The following RPGR variants were observed in gnomAD, a reference collection of about 807,000 sequenced individuals.
The protein encoded by RPGR is retinitis pigmentosa GTPase regulator, also known as X-linked retinitis pigmentosa GTPase regulator.
In RPGR, 10 loss-of-function variants were observed where a neutral mutation model predicts 56.3. The observed-to-expected ratio is 0.18, with a 90% CI of 0.11 to 0.30. RPGR has a LOEUF of 0.30. Among genes scored for constraint, RPGR ranks in the 10% least tolerant of loss-of-function variants. The pLI, the probability that RPGR is intolerant of heterozygous loss-of-function variation, is 1.00. For missense variants in RPGR, 538 were observed against 590.9 expected, an observed-to-expected ratio of 0.91 and a Z score of 0.93; for synonymous variants, 197 against 212.9, an observed-to-expected ratio of 0.93 and a Z score of 0.65.
chrX:38,318,879 T>C lies in RPGR; in HGVS notation c.419A>G (p.His140Arg), dbSNP rs2067876442. The change falls in exon 5 of 19, where the codon CAT becomes CGT. Residue 140 changes from histidine to arginine, a missense_variant. This residue lies in a region of RPGR where 181 missense variants were observed against 265.1 expected (regional missense o/e 0.68). Coordinates refer to ENST00000642395, the MANE Select transcript of RPGR (RefSeq NM_000328.3). Reference sequence around the variant, plus strand: ...TCCAGCAGACAGCTGCTTAATCTTATGCTCGGATGTAAAAAAGCTAATTAC... The same window carrying C: ...TCCAGCAGACAGCTGCTTAATCTTACGCTCGGATGTAAAAAAGCTAATTAC... 1 of 1,211,767 alleles carries C rather than the reference T, an allele frequency of 8.3e-7. No homozygotes were observed. The highest frequency in any genetic ancestry group is 1.1e-6 in the Non-Finnish European group (1 of 895,405).
Position 38,316,310 on chromosome X carries a change from C to A in RPGR, c.619+1006G>T, listed in dbSNP as rs78988913. 3.0e-3 allele frequency among the ~76,000 whole-genome samples: 333 copies of A among 110,760 alleles called. 3 individuals carry two copies. In the East Asian group the frequency reaches 0.034, roughly 11 times the overall value. ...TTTTAATTAAAAAAAGGCATAAAAA[C>A]AAACCAAAAAAAAGCTCAATGTAAT... On this transcript the variant is annotated intron_variant, in intron 6 of 18. Coordinates refer to ENST00000642395, the MANE Select transcript of RPGR (RefSeq NM_000328.3).
rs1170520148 is a variant in RPGR, at chrX:38,297,413, G to A, written c.1285C>T (p.Pro429Ser). ...AGGCCAAGAGTCCCTTCTATTGGAG[G>A]TAGTGTTCTCCTCATTGAAAAAGAA... Residue 429 changes from proline to serine, a missense_variant, in exon 11 of 19, where the codon CCT becomes TCT. By Grantham distance (74) the Pro-to-Ser change is moderately conservative. Coordinates refer to ENST00000642395, the MANE Select transcript of RPGR (RefSeq NM_000328.3). The A allele has an allele frequency of 1.7e-6, 2 of 1,209,099 alleles. No homozygotes were observed. The highest frequency in any genetic ancestry group is 2.2e-6 in the Non-Finnish European group (2 of 893,903).
At chrX:38,312,044 G>GT (rs2067728513) in intron 6 of RPGR, among the ~76,000 whole-genome samples, 1 of 112,227 alleles carries the variant, frequency 8.9e-6, no homozygotes, top group Non-Finnish European at 1.9e-5. Flanking sequence ...ATTGAAGACT[G>GT]TGAGTCCTTC....
rs2067102953 is a variant in RPGR at position 38,285,065 on chromosome X, AT to A, written c.1905+2028del. 8.3e-6 allele frequency: 6 copies of A among 724,386 alleles called. 1 individual carries two copies. In the South Asian group the frequency reaches 4.2e-4, roughly 51 times the overall value. 59.7% of individuals were successfully genotyped at this position (724,386 alleles called of 1,213,427 possible). On this transcript the variant is annotated intron_variant, in intron 15 of 18. Coordinates refer to ENST00000642395, the MANE Select transcript of RPGR (RefSeq NM_000328.3). Reference sequence around the variant, plus strand: ...TCAATTGAGTTTTAGAATACCATCCATTATTAGAAAATTATTCTATACAGTA... The same window carrying A: ...TCAATTGAGTTTTAGAATACCATCCATATTAGAAAATTATTCTATACAGTA...
At chrX:38,294,143 T>A (rs759127015) in intron 11 of RPGR, among the ~76,000 whole-genome samples, 1 of 111,658 alleles carries the variant, frequency 9.0e-6, no homozygotes, top group Non-Finnish European at 1.9e-5. Flanking sequence ...ACCAAATCCA[T>A]TGGATACTTC....
chrX:38,287,478 C>T (rs781227738), intron 14 of RPGR: 41 of 537,522 alleles, frequency 7.6e-5, no homozygotes, highest in Non-Finnish European at 1.3e-4. Flanking sequence ...AACTGTCTGG[C>T]TTTTCTACTG....
intron 5 of RPGR, among the ~76,000 whole-genome samples, chrX:38,318,570 G>A (rs1213760394): frequency 1.8e-5 from 2 of 111,232 alleles, no homozygotes; most frequent in African/African-American, 3.3e-5. Flanking sequence ...GTAGACAGAC[G>A]GCATAGCTTA....
chrX:38,322,145 A>G (rs1411539101), intron 3 of RPGR, among the ~76,000 whole-genome samples: 5 of 112,059 alleles, frequency 4.5e-5, no homozygotes, highest in African/African-American at 1.6e-4. Context: ...GCTACACTGA[A>G]ATTTTGAGCT....
intron 15 of RPGR, chrX:38,285,428 A>T: frequency 1.8e-6 from 2 of 1,142,367 alleles, no homozygotes; most frequent in Admixed American, 2.9e-5. Flanking sequence ...TTTTTTTACT[A>T]CACATAAAAT....
chrX:38,320,944 A>C, intron 4 of RPGR, 83 bp downstream of exon 4: 1 of 736,105 alleles, frequency 1.4e-6, no homozygotes, highest in Non-Finnish European at 2.1e-6. Context: ...TATAATCTCT[A>C]TTAATTTTAC....
rs772049733 is a variant in RPGR at position 38,321,096 on chromosome X, A to G, written c.248-7T>C. ...ACTTTTTCAGGTTTTAGAGCTAAAA[A>G]TATTTAAAATGGGACAATTATTTTA... On this transcript the variant is annotated splice_polypyrimidine_tract_variant and splice_region_variant and intron_variant, in intron 3 of 18. Transcript: ENST00000642395. The G allele has an allele frequency of 8.6e-7, 1 of 1,158,170 alleles. No homozygotes were observed.
chrX:38,287,630 C>T (rs765574368), intron 14 of RPGR: 206 of 512,632 alleles, frequency 4.0e-4, no homozygotes, highest in Non-Finnish European at 6.3e-4. Flanking sequence ...GTACTCTTTT[C>T]CCTTTCTCTT....
rs5902182 is a variant in RPGR, at chrX:38,305,746, AAAAATAAAATAAAATAAAAT to A, written c.779-976_779-957del. Among the ~76,000 whole-genome samples the A allele has an allele frequency of 2.1e-3, 179 of 85,480 alleles. 1 individual carries two copies. Among genetic ancestry groups the A allele is most frequent in the Non-Finnish European group, 2.4e-3 (105 of 44,583 alleles). The allele number at this position is 85,480 out of a possible 115,157, so 74.2% of individuals were successfully genotyped here. On this transcript the variant is annotated intron_variant, in intron 7 of 18. Transcript: ENST00000642395. ...GGGCAACAGAGCAAGACTCCATCTC[AAAAATAAAATAAAATAAAAT>A]AAAATAAAATAAAATAAAATAAAAT...
chrX:38,321,670 AAAC>A (rs2067943945), intron 3 of RPGR, among the ~76,000 whole-genome samples: 1 of 109,391 alleles, frequency 9.1e-6, no homozygotes, highest in South Asian at 4.0e-4. Flanking sequence ...AAAAAAAAAA[AAAC>A]AACAACTTCA....
Position 38,323,533 on chromosome X carries a change from A to G in RPGR, c.29-9T>C. ...AAACACAGCACCCGAATCTGCAAAT[A>G]TAAGACGGTCTTTATTTTATAACTT... is the stretch of plus-strand genomic sequence containing the variant. On this transcript the variant is annotated splice_polypyrimidine_tract_variant and intron_variant, in intron 1 of 18. Transcript: ENST00000642395. 7 of 1,207,058 alleles carry G rather than the reference A, an allele frequency of 5.8e-6. No homozygotes were observed. The highest frequency in any genetic ancestry group is 7.8e-6 in the Non-Finnish European group (7 of 892,685).
chrX:38,306,121 A>C (rs756787295), intron 7 of RPGR, among the ~76,000 whole-genome samples: 15 of 112,101 alleles, frequency 1.3e-4, no homozygotes, highest in Admixed American at 7.6e-4. Flanking sequence ...TGTCGATTAT[A>C]TTAGTCACTT....
chrX:38,286,424 C>A, intron 15 of RPGR: 1 of 1,005,950 alleles, frequency 9.9e-7, no homozygotes. Context: ...CCTTCTTCCT[C>A]CCCTTTCCCT....
In RPGR at chrX:38,276,092, C is replaced by A. The variant is rs1436552555; in HGVS notation, c.2091+495G>T. Reference sequence around the variant, plus strand: ...ATTTTTGCTTCCTTAGTGATATCTTCTCCTATTCCTTCTATACATAATTTT... The same window carrying A: ...ATTTTTGCTTCCTTAGTGATATCTTATCCTATTCCTTCTATACATAATTTT... On this transcript the variant is annotated intron_variant, in intron 16 of 18. Transcript: ENST00000642395. 2.7e-5 allele frequency among the ~76,000 whole-genome samples: 3 copies of A among 111,829 alleles called. No individual in the cohort carries two copies. The East Asian group carries it at 8.4e-4, about 31-fold the overall frequency.
intron 11 of RPGR, among the ~76,000 whole-genome samples, chrX:38,294,109 G>A (rs774010309): frequency 9.0e-6 from 1 of 111,276 alleles, no homozygotes; most frequent in Non-Finnish European, 1.9e-5. Context: ...TGCTCTTGTC[G>A]AGGTCACCAG....
Sources: gnomAD v4.1 joint callset for allele counts (sites outside exome capture counted in the v4.1 genomes callset) on GRCh38, gnomAD v4.1.1 for gene constraint, gnomAD v4.1.1 regional missense constraint, MANE v1.5 for transcripts, NCBI Gene and HGNC (gene_info 2026-07-23, HGNC 2026-07-21) for gene names.